The following NKAIN3 variants were observed in gnomAD, a reference collection of about 807,000 sequenced individuals.
NKAIN3 encodes the protein sodium/potassium transporting ATPase interacting 3.
A neutral mutation model predicts 30.2 loss-of-function variants in NKAIN3; 25 were observed. That is an observed-to-expected ratio of 0.83 (90% CI 0.60 to 1.16). The LOEUF (loss-of-function observed/expected upper bound fraction) is 1.16. Ranked by LOEUF, NKAIN3 falls within the 50% of genes most tolerant of loss-of-function variation. The probability of loss-of-function intolerance (pLI) is 0.00; values close to 1 mark genes in which losing one functional copy is unlikely to be tolerated. For synonymous variants in NKAIN3, 91 were observed against 89.6 expected, an observed-to-expected ratio of 1.02 and a Z score of -0.09; for missense variants, 225 against 254.1, an observed-to-expected ratio of 0.89 and a Z score of 0.78.
chr8:62,890,339 G>T (rs1821265274), intron 4 of NKAIN3, among the ~76,000 whole-genome samples: 1 of 152,144 alleles, frequency 6.6e-6, no homozygotes, highest in African/African-American at 2.4e-5. Context: ...GTTTGTAATT[G>T]TCCTTTTGTT....
chr8:62,443,601 T>C (rs1430575447), intron 1 of NKAIN3, among the ~76,000 whole-genome samples: 1 of 152,084 alleles, frequency 6.6e-6, no homozygotes, highest in African/African-American at 2.4e-5. Flanking sequence ...CAGGCTAGTC[T>C]TGAACTCCTG....
At chr8:62,283,547 A>G (rs186107819) in intron 1 of NKAIN3, among the ~76,000 whole-genome samples, 398 of 152,228 alleles carry the variant, frequency 2.6e-3, no homozygotes, top group Non-Finnish European at 4.5e-3. Flanking sequence ...AATCATATAT[A>G]TGTCATTATA....
At chr8:62,799,473 T>C (rs1170601538) in intron 4 of NKAIN3, among the ~76,000 whole-genome samples, 1 of 152,042 alleles carries the variant, frequency 6.6e-6, no homozygotes, top group Non-Finnish European at 1.5e-5. Context: ...ATCAGGGAAA[T>C]GCAAATCAAA....
chr8:62,410,832 T>C (rs1428460699), intron 1 of NKAIN3, among the ~76,000 whole-genome samples: 1 of 151,874 alleles, frequency 6.6e-6, no homozygotes, highest in Non-Finnish European at 1.5e-5. Flanking sequence ...AAACCATGAA[T>C]AGACCAATAT....
intron 1 of NKAIN3, among the ~76,000 whole-genome samples, chr8:62,477,289 T>A (rs972369786): frequency 1.3e-5 from 2 of 152,172 alleles, no homozygotes; most frequent in African/African-American, 2.4e-5. Flanking sequence ...AACGCATGTT[T>A]TTTGGAGCCC....
chr8:62,309,189 A>C (rs1814349480), intron 1 of NKAIN3, among the ~76,000 whole-genome samples: 1 of 150,746 alleles, frequency 6.6e-6, no homozygotes, highest in Non-Finnish European at 1.5e-5. Flanking sequence ...TTTAAAAATA[A>C]TATTTGTACA....
intron 1 of NKAIN3, among the ~76,000 whole-genome samples, chr8:62,399,070 G>A (rs933501329): frequency 1.3e-5 from 2 of 152,114 alleles, no homozygotes; most frequent in African/African-American, 4.8e-5. Flanking sequence ...CCGCCTGGGT[G>A]ACAGAGCGAG....
chr8:62,362,074 G>T (rs1379110282), intron 1 of NKAIN3, among the ~76,000 whole-genome samples: 2 of 152,172 alleles, frequency 1.3e-5, no homozygotes, highest in African/African-American at 2.4e-5. Context: ...AACCCATATT[G>T]TTCTCGATGT....
intron 3 of NKAIN3, among the ~76,000 whole-genome samples, chr8:62,603,050 A>G (rs1531659): frequency 2.8e-4 from 42 of 152,300 alleles, no homozygotes; most frequent in Middle Eastern, 3.4e-3. Context: ...AAGACAATTT[A>G]AAACTACTGC....
intron 1 of NKAIN3, among the ~76,000 whole-genome samples, chr8:62,305,967 G>GT (rs1179900966): frequency 6.6e-6 from 1 of 150,534 alleles, no homozygotes; most frequent in Admixed American, 6.6e-5. Flanking sequence ...AAAGAACATA[G>GT]TGTAGGCATG....
intron 1 of NKAIN3, among the ~76,000 whole-genome samples, chr8:62,503,589 C>A (rs566848093): frequency 6.6e-6 from 1 of 151,974 alleles, no homozygotes; most frequent in African/African-American, 2.4e-5. Context: ...TTATCTCAAC[C>A]GCATAGGACA....
At chr8:62,814,648 A>G (rs547948374) in intron 4 of NKAIN3, among the ~76,000 whole-genome samples, 1 of 152,282 alleles carries the variant, frequency 6.6e-6, no homozygotes, top group East Asian at 1.9e-4. Flanking sequence ...ACATAAAGAA[A>G]TGAAGGCAGA....
chr8:62,838,467 A>G (rs1351519148), intron 4 of NKAIN3, among the ~76,000 whole-genome samples: 5 of 152,010 alleles, frequency 3.3e-5, no homozygotes, highest in Admixed American at 3.3e-4. Flanking sequence ...GGAAGATGCA[A>G]ACAAGTAAAA....
intron 1 of NKAIN3, among the ~76,000 whole-genome samples, chr8:62,326,687 C>T (rs1815146057): frequency 6.6e-6 from 1 of 151,872 alleles, no homozygotes; most frequent in African/African-American, 2.4e-5. Flanking sequence ...ATATCACTGG[C>T]ACATTATTCA....
intron 4 of NKAIN3, among the ~76,000 whole-genome samples, chr8:62,898,745 TA>T (rs1383116130): frequency 1.3e-5 from 2 of 152,024 alleles, no homozygotes; most frequent in African/African-American, 4.8e-5. Flanking sequence ...CACATAAAGT[TA>T]AAAACCTTCT....
chr8:62,898,605 A>G (rs893026100), intron 4 of NKAIN3, among the ~76,000 whole-genome samples: 1 of 152,130 alleles, frequency 6.6e-6, no homozygotes, highest in Non-Finnish European at 1.5e-5. Flanking sequence ...AAAACTACAT[A>G]TTGTCTCAAA....
chr8:62,801,658 A>T (rs1157334723), intron 4 of NKAIN3, among the ~76,000 whole-genome samples: 1 of 152,184 alleles, frequency 6.6e-6, no homozygotes, highest in East Asian at 1.9e-4. Flanking sequence ...ATAAAACCAC[A>T]AAGATGGGGA....
chr8:62,745,301 C>T (rs1311235852), intron 3 of NKAIN3, among the ~76,000 whole-genome samples: 1 of 152,236 alleles, frequency 6.6e-6, no homozygotes, highest in Non-Finnish European at 1.5e-5. Context: ...CGGGCAGCCT[C>T]TGCACCTCTC....
At position 62,966,043 on chromosome 8, in the gene NKAIN3, A is replaced by G; in HGVS notation, c.*636A>G. 2.0e-6 allele frequency: 2 copies of G among 984,060 alleles called. No homozygotes were observed. Among genetic ancestry groups the G allele is most frequent in the Non-Finnish European group, 2.4e-6 (2 of 828,786 alleles). 61.0% of individuals were successfully genotyped at this position (984,060 alleles called of 1,614,324 possible). On this transcript the variant is annotated 3_prime_UTR_variant, in exon 7 of 7. Transcript: ENST00000623646. ...GCATATCTTGTTTTTCCTGATATATATATATATGTAGGCACATGGAAGAGT... is the reference window on the plus strand; with the variant it reads ...GCATATCTTGTTTTTCCTGATATATGTATATATGTAGGCACATGGAAGAGT...
Sources: gnomAD v4.1 joint callset for allele counts (sites outside exome capture counted in the v4.1 genomes callset) on GRCh38, gnomAD v4.1.1 for gene constraint, MANE v1.5 for transcripts, NCBI Gene and HGNC (gene_info 2026-07-23, HGNC 2026-07-21) for gene names.